Variants in GOLGB1 observed in about 807,000 individuals in gnomAD.
GOLGB1 encodes the protein golgin subfamily B member 1.
A neutral mutation model predicts 336.9 loss-of-function variants in GOLGB1; 174 were observed. The ratio of observed to expected loss-of-function variants is 0.52; its 90% confidence interval spans 0.46 to 0.59. The LOEUF (loss-of-function observed/expected upper bound fraction) is 0.59. Ranked by LOEUF, GOLGB1 falls within the 20% of genes least tolerant of loss-of-function variation. GOLGB1 has a pLI of 0.00. For missense variants in GOLGB1, 3,331 were observed against 3,645.3 expected (o/e 0.91, Z 2.22); for synonymous variants, 1,208 against 1,289.2 (o/e 0.94, Z 1.35).
At chr3:121,670,994 T>C (rs1209305301) in intron 17 of GOLGB1, among the ~76,000 whole-genome samples, 4 of 152,334 alleles carry the variant, frequency 2.6e-5, no homozygotes, top group African/African-American at 7.2e-5. Context: ...TGGCAAACTA[T>C]GATCCAGGGC....
At position 121,697,084 on chromosome 3, in the gene GOLGB1, TTACAAGTGC is replaced by T; in HGVS notation, c.3430_3438del (p.Ala1144_Val1146del). 1 of 1,614,078 alleles carries T rather than the reference TTACAAGTGC, an allele frequency of 6.2e-7. No individual in the cohort carries two copies. The highest frequency in any genetic ancestry group is 8.5e-7 in the Non-Finnish European group (1 of 1,179,934). ...GGTGGACTTATCACCACTGTTTCCTTTACAAGTGCTACGGAGTCCCCATCACTTGCATCC... is the reference window on the plus strand; with the variant it reads ...GGTGGACTTATCACCACTGTTTCCTTTACGGAGTCCCCATCACTTGCATCC... On this transcript the variant is annotated inframe_deletion, in exon 13 of 22. Transcript: ENST00000614479.
chr3:121,719,717 G>A lies in GOLGB1; in HGVS notation c.700C>T (p.Gln234Ter). 6.2e-7 allele frequency: 1 copy of A among 1,610,096 alleles called. No homozygotes were observed. Among genetic ancestry groups the A allele is most frequent in the African/African-American group, 1.3e-5 (1 of 74,734 alleles). ...AGCTCATCTTCATGAAGACGAACTT[G>A]TGTTTCAAAGCGGGCATCTTTCTCT... ...VREKDARFET[Q>*]VRLHEDELLQ... The change falls in exon 7 of 22, where the codon CAA becomes TAA. Residue 234 changes from glutamine (Q) to a stop codon, truncating the protein, a stop_gained. Transcript: ENST00000614479. LOFTEE classifies it high-confidence loss of function.
chr3:121,681,840 T>C lies in GOLGB1; in HGVS notation c.8720A>G (p.Gln2907Arg), dbSNP rs760662048. ...RLLKELKNLQ[Q>R]QYLQINQEIT... ...CTCTTGATTAATCTGTAAGTATTGC[T>C]GCTGCAGATTCTTCAATTCCTTCAG... Residue 2907 changes from glutamine to arginine, a missense_variant, in exon 15 of 22, where the codon CAG becomes CGG. Coordinates refer to ENST00000614479, the MANE Select transcript of GOLGB1 (RefSeq NM_001366282.2). 1 of 1,605,184 alleles carries C rather than the reference T, an allele frequency of 6.2e-7. No homozygotes were observed. The highest frequency in any genetic ancestry group is 2.2e-5 in the East Asian group (1 of 44,848).
At chr3:121,703,121 C>G (rs1943539639) in intron 10 of GOLGB1, among the ~76,000 whole-genome samples, 2 of 152,002 alleles carry the variant, frequency 1.3e-5, no homozygotes, top group African/African-American at 4.8e-5. Context: ...TTTGGTTTTC[C>G]TAAGGATAGG....
chr3:121,737,990 T>A (rs1946598914), intron 1 of GOLGB1, among the ~76,000 whole-genome samples: 1 of 152,142 alleles, frequency 6.6e-6, no homozygotes, highest in South Asian at 2.1e-4. Context: ...GGGCCATATA[T>A]AACTATTTAT....
chr3:121,721,938 A>C (rs888325242), intron 6 of GOLGB1, among the ~76,000 whole-genome samples: 1 of 152,224 alleles, frequency 6.6e-6, no homozygotes, highest in African/African-American at 2.4e-5. Context: ...GCATGAGTCC[A>C]TTCCCAAAAG....
chr3:121,742,739 C>T (rs1163467853), intron 1 of GOLGB1, among the ~76,000 whole-genome samples: 1 of 152,084 alleles, frequency 6.6e-6, no homozygotes, highest in Admixed American at 6.5e-5. Flanking sequence ...GGCTAACATC[C>T]AGAACCTACA....
At chr3:121,692,643 A>G (rs1942553509) in intron 13 of GOLGB1, 62 bp from the exon 14 acceptor site, 4 of 876,938 alleles carry the variant, frequency 4.6e-6, no homozygotes, top group Non-Finnish European at 5.3e-6. Flanking sequence ...TTCCCAAGGA[A>G]CAAATACTAT....
intron 9 of GOLGB1, among the ~76,000 whole-genome samples, chr3:121,715,950 C>T (rs2108107119): frequency 6.6e-6 from 1 of 151,584 alleles, no homozygotes; most frequent in African/African-American, 2.4e-5. Context: ...CGAGATCATG[C>T]CATTGCACTC....
rs1339451121 is a variant in GOLGB1, at chr3:121,729,928, C to T, written c.186G>A (p.Val62=). ...TCTGTCTAATAATATCTTTTAGCTC[C>T]ACCACCAATTGCTCTGCATAAGCCA... ...ERLAYAEQLV[V]ELKDIIRQKD... The change falls in exon 3 of 22, where the codon GTG becomes GTA. Residue 62 remains valine, a synonymous_variant. Transcript: ENST00000614479. 1 of 1,609,978 alleles carries T rather than the reference C, an allele frequency of 6.2e-7. No homozygotes were observed. The highest frequency in any genetic ancestry group is 8.5e-7 in the Non-Finnish European group (1 of 1,176,424).
chr3:121,703,225 G>A (rs559517099), intron 10 of GOLGB1, among the ~76,000 whole-genome samples: 2 of 152,048 alleles, frequency 1.3e-5, no homozygotes, highest in Non-Finnish European at 2.9e-5. Flanking sequence ...TCATACAATT[G>A]TAGAATTTTT....
At chr3:121,737,435 G>A (rs1946551764) in intron 1 of GOLGB1, among the ~76,000 whole-genome samples, 1 of 151,680 alleles carries the variant, frequency 6.6e-6, no homozygotes, top group African/African-American at 2.4e-5. Flanking sequence ...GGTGGATCAC[G>A]AGGTCAGGAG....
intron 17 of GOLGB1, among the ~76,000 whole-genome samples, chr3:121,674,993 G>A (rs917772959): frequency 6.6e-6 from 1 of 151,306 alleles, no homozygotes; most frequent in African/African-American, 2.4e-5. Flanking sequence ...CCGCCACCGC[G>A]CCCGGCTAAT....
intron 19 of GOLGB1, 75 bp downstream of exon 19, chr3:121,667,986 C>A: frequency 1.4e-6 from 1 of 710,372 alleles, no homozygotes; most frequent in Non-Finnish European, 2.4e-6. Context: ...ATAAAGGACT[C>A]CAGTTAAATC....
chr3:121,725,402 G>A (rs1471725449), intron 5 of GOLGB1, among the ~76,000 whole-genome samples: 1 of 152,152 alleles, frequency 6.6e-6, no homozygotes, highest in Non-Finnish European at 1.5e-5. Context: ...CTACTCTCTT[G>A]GTTTTCAAAC....
At chr3:121,668,395 C>T (rs1343015708) in intron 18 of GOLGB1, 13 of 305,366 alleles carry the variant, frequency 4.3e-5, no homozygotes, top group Non-Finnish European at 5.5e-5. Flanking sequence ...TAAGTCTGGG[C>T]CGGGCGCCGT....
intron 13 of GOLGB1, among the ~76,000 whole-genome samples, chr3:121,693,480 C>T (rs1405993173): frequency 6.6e-6 from 1 of 152,110 alleles, no homozygotes; most frequent in Non-Finnish European, 1.5e-5. Context: ...AAGAGCAAGA[C>T]TCCATCTTAA....
chr3:121,697,573 G>A lies in GOLGB1; in HGVS notation c.2950C>T (p.His984Tyr), dbSNP rs1275151945. ...TCTTTCTTCAGAAGGTCAAATTCAT[G>A]CTGAAGTTCTTCCTTACTTATTTGT... ...AGQISKEELQ[H>Y]EFDLLKKENE... The change falls in exon 13 of 22, where the codon CAT becomes TAT. Residue 984 changes from histidine (H) to tyrosine (Y), a missense_variant. His to Tyr is a moderately conservative substitution (Grantham distance 83). Transcript: ENST00000614479. 1.2e-6 allele frequency: 2 copies of A among 1,613,546 alleles called. No individual in the cohort carries two copies. Among genetic ancestry groups the A allele is most frequent in the Non-Finnish European group, 1.7e-6 (2 of 1,179,878 alleles).
intron 4 of GOLGB1, 155 bp downstream of exon 4, chr3:121,729,033 C>A: frequency 2.0e-6 from 1 of 495,394 alleles, no homozygotes; most frequent in South Asian, 3.9e-5. Flanking sequence ...GGCCTACAGT[C>A]CAGCTGAACT....
Sources: gnomAD v4.1 joint callset for allele counts (sites outside exome capture counted in the v4.1 genomes callset) on GRCh38, gnomAD v4.1.1 for gene constraint, MANE v1.5 for transcripts, NCBI Gene and HGNC (gene_info 2026-07-23, HGNC 2026-07-21) for gene names.